Variants in CDCA2 observed in about 807,000 individuals in gnomAD.
The protein encoded by CDCA2 is cell division cycle associated 2.
In CDCA2, 44 loss-of-function variants were observed where a neutral mutation model predicts 67.0. The ratio of observed to expected loss-of-function variants is 0.66; its 90% CI spans 0.52 to 0.84. The LOEUF is 0.84. Among genes scored for constraint, CDCA2 ranks in the 40% least tolerant of loss-of-function variants. CDCA2 has a pLI of 0.00. For synonymous variants in CDCA2, 447 were observed against 418.7 expected (o/e 1.07, Z -0.82); for missense variants, 1,253 against 1,203.2 (o/e 1.04, Z -0.61).
Position 25,506,586 on chromosome 8 carries a change from T to C in CDCA2, c.1920T>C (p.Arg640=). ...CAGTGAAAAGAAAGGATCTTTTGCG[T>C]CATGACCCAGATTTGCATATGCATC... ...KNPVKRKDLL[R]HDPDLHMHQG... The change falls in exon 15 of 15, where the codon CGT becomes CGC. Residue 640 remains arginine, a synonymous_variant. Transcript: ENST00000330560. 6.2e-7 allele frequency: 1 copy of C among 1,605,752 alleles called. No homozygotes were observed. Among genetic ancestry groups the C allele is most frequent in the Non-Finnish European group, 8.5e-7 (1 of 1,178,096 alleles).
rs1804705117 is a variant in CDCA2 at position 25,506,947 on chromosome 8, A to T, written c.2281A>T (p.Ile761Leu). The T allele has an allele frequency of 1.2e-5, 20 of 1,613,844 alleles. No individual in the cohort carries two copies. Among genetic ancestry groups the T allele is most frequent in the Non-Finnish European group, 1.5e-5 (18 of 1,179,868 alleles). The change falls in exon 15 of 15, where the codon ATA becomes TTA. Residue 761 changes from isoleucine (I) to leucine (L), a missense_variant. Physicochemically the swap from Ile to Leu is conservative, Grantham distance 5. Transcript: ENST00000330560. ...QFFKISPDLN[I>L]KCERKDDFLG... ...CTTTAAAATTTCACCAGATTTAAAC[A>T]TAAAGTGTGAAAGAAAGGATGACTT...
chr8:25,459,007 G>T (rs1377188201), upstream of CDCA2: 1 of 152,320 alleles, frequency 6.6e-6, no homozygotes, highest in Non-Finnish European at 1.5e-5. Flanking sequence ...AGTCCCCGAG[G>T]TCACAAGGCA....
rs768175576 is a variant in CDCA2, at chr8:25,468,405, C to G, written c.727C>G (p.Leu243Val). 1.2e-6 allele frequency: 2 copies of G among 1,609,494 alleles called. No homozygotes were observed. Residue 243 changes from leucine to valine, a missense_variant, in exon 6 of 15, where the codon CTT becomes GTT. By Grantham distance (32) the Leu-to-Val change is conservative (BLOSUM62 1). Coordinates refer to ENST00000330560, the MANE Select transcript of CDCA2 (RefSeq NM_152562.4). ...ATGTGCAGTTGAAACTTCTGTAGAT[C>G]TTTCTGAGGTAATTCACTTACTTTA... ...RACAVETSVDLSEISSKLGST... is the reference protein window; with the variant it reads ...RACAVETSVDVSEISSKLGST...
intron 7 of CDCA2, 69 bp downstream of exon 7, chr8:25,470,049 T>C: frequency 1.9e-6 from 2 of 1,065,788 alleles, no homozygotes; most frequent in Non-Finnish European, 2.8e-6. Context: ...GTGTACCTAT[T>C]TGCTAAAATT....
chr8:25,507,073 G>A lies in CDCA2; in HGVS notation c.2407G>A (p.Glu803Lys). The A allele has an allele frequency of 1.2e-6, 2 of 1,613,962 alleles. No homozygotes were observed. The highest frequency in any genetic ancestry group is 4.5e-5 in the East Asian group (2 of 44,864). Residue 803 changes from glutamate to lysine, a missense_variant, in exon 15 of 15, where the codon GAA (glutamate) becomes AAA (lysine). Coordinates refer to ENST00000330560, the MANE Select transcript of CDCA2 (RefSeq NM_152562.4). Reference sequence around the variant, plus strand: ...AGATGTCTTAATTGAAAATACGAAAGAATCTAAAAGCCAGAGTGAGGATTT... The same window carrying A: ...AGATGTCTTAATTGAAAATACGAAAAAATCTAAAAGCCAGAGTGAGGATTT... ...LGDVLIENTK[E>K]SKSQSEDLGR...
intron 7 of CDCA2, among the ~76,000 whole-genome samples, chr8:25,472,599 A>G (rs1025675792): frequency 6.6e-6 from 1 of 151,814 alleles, no homozygotes; most frequent in Non-Finnish European, 1.5e-5. Flanking sequence ...TTTCTCTTAA[A>G]ATATCCAACG....
chr8:25,498,408 A>G (rs562046092), intron 13 of CDCA2, among the ~76,000 whole-genome samples: 1 of 139,360 alleles, frequency 7.2e-6, no homozygotes, highest in South Asian at 2.3e-4. Flanking sequence ...GGGTTTCACT[A>G]TGTTGGCCTG....
chr8:25,464,882 T>C (rs1202313645), intron 4 of CDCA2, among the ~76,000 whole-genome samples: 1 of 152,216 alleles, frequency 6.6e-6, no homozygotes, highest in Non-Finnish European at 1.5e-5. Flanking sequence ...ATAGAGAATT[T>C]GCTTTATATT....
chr8:25,476,230 T>C (rs1803342132), intron 7 of CDCA2, among the ~76,000 whole-genome samples: 1 of 152,206 alleles, frequency 6.6e-6, no homozygotes, highest in Non-Finnish European at 1.5e-5. Context: ...CTTACTCCAC[T>C]ATCTCCCCCA....
intron 14 of CDCA2, among the ~76,000 whole-genome samples, chr8:25,505,989 C>A (rs1229144860): frequency 1.3e-5 from 2 of 152,164 alleles, no homozygotes; most frequent in African/African-American, 2.4e-5. Flanking sequence ...GAGTACAGTG[C>A]ACTTTATAGT....
chr8:25,494,112 G>C (rs1415551354), intron 13 of CDCA2, among the ~76,000 whole-genome samples: 1 of 152,068 alleles, frequency 6.6e-6, no homozygotes, highest in East Asian at 1.9e-4. Context: ...GATGCCAAGG[G>C]GACACAGATG....
rs148257274 is a variant in CDCA2 at position 25,479,998 on chromosome 8, C to T, written c.906C>T (p.Asp302=). The T allele has an allele frequency of 6.1e-5, 99 of 1,614,000 alleles. No homozygotes were observed. In the Admixed American group the frequency reaches 7.5e-4, roughly 12 times the overall value. ...PDTFTAEVSS[D]AVPDVRSPAT... is the part of the protein sequence containing the mutation. ...CGTTCACAGCAGAAGTGAGCTCAGA[C>T]GCAGTCCCTGATGTCAGGTCACCAG... The change falls in exon 8 of 15, where the codon GAC becomes GAT. Residue 302 remains aspartate (D), a synonymous_variant. Transcript: ENST00000330560.
chr8:25,480,399 G>A (rs1407080673), intron 8 of CDCA2, among the ~76,000 whole-genome samples: 1 of 151,856 alleles, frequency 6.6e-6, no homozygotes, highest in Non-Finnish European at 1.5e-5. Context: ...TAATCTTATT[G>A]CACTAACATA....
chr8:25,506,833 G>C lies in CDCA2; in HGVS notation c.2167G>C (p.Ala723Pro), dbSNP rs966843527. The stretch of plus-strand genomic sequence containing the variant: ...TGCTTCTGTAACTGAAGAACGTGTG[G>C]CATCAGATAGTCCCAAACCTGCTCT... ...SCASVTEERVASDSPKPALTL... is the reference protein window; with the variant it reads ...SCASVTEERVPSDSPKPALTL... Residue 723 changes from alanine (A) to proline (P), a missense_variant, in exon 15 of 15, where the codon GCA (alanine) becomes CCA (proline). Ala to Pro is a conservative substitution (Grantham distance 27). Transcript: ENST00000330560. The C allele has an allele frequency of 6.2e-7, 1 of 1,614,008 alleles. No individual in the cohort carries two copies. The highest frequency in any genetic ancestry group is 8.5e-7 in the Non-Finnish European group (1 of 1,180,016).
chr8:25,487,126 CTTT>C (rs1266920684), intron 11 of CDCA2, 117 bp from the exon 12 acceptor site: 3 of 628,568 alleles, frequency 4.8e-6, no homozygotes, highest in Non-Finnish European at 8.3e-6. Context: ...CTTGGCTCCT[CTTT>C]TTTTTGTTTA....
At position 25,507,651 on chromosome 8, in the gene CDCA2, C is replaced by T. The variant is rs1381856581; in HGVS notation, c.2985C>T (p.Tyr995=). Residue 995 remains tyrosine, a synonymous_variant, in exon 15 of 15, where the codon TAC becomes TAT. Transcript: ENST00000330560. ...NTKATSQFKG[Y]RRRSSLNGKG... is the part of the protein sequence containing the mutation. ...AAGCCACTTCCCAGTTCAAAGGCTA[C>T]CGGAGAAGATCCTCTCTTAATGGGA... 3.7e-6 allele frequency: 6 copies of T among 1,614,062 alleles called. No homozygotes were observed. Among genetic ancestry groups the T allele is most frequent in the Non-Finnish European group, 5.1e-6 (6 of 1,180,016 alleles).
intron 3 of CDCA2, 124 bp downstream of exon 3, chr8:25,460,678 C>A: frequency 2.0e-6 from 2 of 989,526 alleles, no homozygotes; most frequent in Non-Finnish European, 2.9e-6. Flanking sequence ...ACTCTGCAAA[C>A]TTGCTTCTTC....
chr8:25,492,491 A>T (rs1173224196), intron 13 of CDCA2, among the ~76,000 whole-genome samples: 1 of 152,196 alleles, frequency 6.6e-6, no homozygotes, highest in Non-Finnish European at 1.5e-5. Flanking sequence ...TATGAAAGGT[A>T]TGTCACATAA....
At chr8:25,505,294 T>C (rs373847774) in intron 14 of CDCA2, among the ~76,000 whole-genome samples, 34 of 152,254 alleles carry the variant, frequency 2.2e-4, no homozygotes, top group African/African-American at 7.7e-4. Flanking sequence ...CTCCACCTCC[T>C]GGGTACCAGC....
Sources: gnomAD v4.1 joint callset for allele counts (sites outside exome capture counted in the v4.1 genomes callset) on GRCh38, gnomAD v4.1.1 for gene constraint, MANE v1.5 for transcripts, NCBI Gene and HGNC (gene_info 2026-07-23, HGNC 2026-07-21) for gene names.